Variants in MYO9A observed in about 807,000 individuals in gnomAD.
MYO9A encodes myosin IXA, also known as unconventional myosin-IXa.
In MYO9A, 103 loss-of-function variants were observed where a neutral mutation model predicts 293.3. The ratio of observed to expected loss-of-function variants is 0.35; its 90% confidence interval spans 0.30 to 0.41. The LOEUF (loss-of-function observed/expected upper bound fraction) is 0.41, where lower values mean the gene tolerates loss of function less well. Among genes scored for constraint, MYO9A ranks in the 10% least tolerant of loss-of-function variants. MYO9A has a pLI of 1.00. For synonymous variants in MYO9A, 1,001 were observed against 1,035.7 expected (o/e 0.97, Z 0.64); for missense variants, 2,685 against 3,033.0 (o/e 0.89, Z 2.69).
At chr15:72,009,712 A>G (rs1289628636) in intron 7 of MYO9A, among the ~76,000 whole-genome samples, 1 of 151,668 alleles carries the variant, frequency 6.6e-6, no homozygotes, top group Non-Finnish European at 1.5e-5. Flanking sequence ...AAAAACAAAG[A>G]AAAAAAAATT....
At chr15:71,884,466 T>A (rs1345685541) in intron 27 of MYO9A, among the ~76,000 whole-genome samples, 2 of 152,204 alleles carry the variant, frequency 1.3e-5, no homozygotes, top group East Asian at 1.9e-4. Context: ...GAACAGGTGA[T>A]AGTAACAACT....
chr15:71,902,916 C>A (rs901492356), intron 22 of MYO9A, 25 bp downstream of exon 22: 6 of 1,450,992 alleles, frequency 4.1e-6, no homozygotes, highest in Non-Finnish European at 5.5e-6. Flanking sequence ...TCAATTTTGA[C>A]CAGAGCTATA....
chr15:72,103,394 AAGCAGCAGCAAGCAGCAAGC>A (rs1344846825), intron 1 of MYO9A, among the ~76,000 whole-genome samples: 1 of 148,348 alleles, frequency 6.7e-6, no homozygotes, highest in Non-Finnish European at 1.5e-5. Context: ...GCAGCAGCAG[AAGCAGCAGCAAGCAGCAAGC>A]AGCAGCAGAA....
chr15:71,903,487 T>C (rs1416110117), intron 21 of MYO9A, among the ~76,000 whole-genome samples: 1 of 152,188 alleles, frequency 6.6e-6, no homozygotes, highest in East Asian at 1.9e-4. Context: ...TTCAATATAG[T>C]TTCCATACCC....
In MYO9A at chr15:71,875,532, C is replaced by T. The variant is rs2056657337; in HGVS notation, c.5979+259G>A. Reference sequence around the variant, plus strand: ...ACTCCTGAAGAGCTCCTTCCCCACCCCTAGTTCTGAAAAGAAATAATATTT... The same window carrying T: ...ACTCCTGAAGAGCTCCTTCCCCACCTCTAGTTCTGAAAAGAAATAATATTT... On this transcript the variant is annotated intron_variant, in intron 32 of 41. Coordinates refer to ENST00000356056, the MANE Select transcript of MYO9A (RefSeq NM_006901.4). Among the ~76,000 whole-genome samples the T allele has an allele frequency of 2.0e-5, 3 of 152,204 alleles. No individual in the cohort carries two copies. The East Asian group carries it at 5.8e-4, about 29-fold the overall frequency.
chr15:72,115,969 A>G (rs890870581), intron 1 of MYO9A, among the ~76,000 whole-genome samples: 1 of 152,228 alleles, frequency 6.6e-6, no homozygotes, highest in Non-Finnish European at 1.5e-5. Context: ...AGGCACTTCC[A>G]TATGTATTGT....
At chr15:72,020,601 T>C (rs2077475470) in intron 5 of MYO9A, among the ~76,000 whole-genome samples, 1 of 152,190 alleles carries the variant, frequency 6.6e-6, no homozygotes, top group African/African-American at 2.4e-5. Context: ...CTGGGGGTTG[T>C]AAAAGGTAAA....
intron 18 of MYO9A, among the ~76,000 whole-genome samples, chr15:71,919,369 G>A (rs1345967364): frequency 6.6e-6 from 1 of 152,082 alleles, no homozygotes; most frequent in African/African-American, 2.4e-5. Context: ...CTTGAGCTCA[G>A]GGGGCAGAGG....
chr15:72,037,042 CTT>C (rs1555410191), intron 2 of MYO9A, among the ~76,000 whole-genome samples: 1 of 147,466 alleles, frequency 6.8e-6, no homozygotes. Context: ...CCTCATCCTA[CTT>C]TTTTTTTTGC....
chr15:71,858,439 G>A (rs1344068738), intron 34 of MYO9A: 1 of 152,080 alleles, frequency 6.6e-6, no homozygotes, highest in Non-Finnish European at 1.5e-5. Flanking sequence ...AAAAAAGGAT[G>A]AGTTCATGTC....
chr15:71,874,724 A>G (rs1421779391), intron 32 of MYO9A, among the ~76,000 whole-genome samples: 2 of 152,128 alleles, frequency 1.3e-5, no homozygotes, highest in African/African-American at 4.8e-5. Flanking sequence ...AGGTATTCAA[A>G]ATATTTTGAA....
intron 32 of MYO9A, among the ~76,000 whole-genome samples, chr15:71,865,337 C>T (rs982051399): frequency 6.6e-6 from 1 of 152,112 alleles, no homozygotes; most frequent in Non-Finnish European, 1.5e-5. Flanking sequence ...TAGAAACATG[C>T]TGCCACAAAA....
At chr15:71,998,126 A>G (rs1463255930) in intron 9 of MYO9A, among the ~76,000 whole-genome samples, 1 of 152,212 alleles carries the variant, frequency 6.6e-6, no homozygotes. Flanking sequence ...TACACCGTGG[A>G]ATACAATGCA....
chr15:71,919,769 G>C (rs1201875265), intron 18 of MYO9A, among the ~76,000 whole-genome samples: 1 of 145,656 alleles, frequency 6.9e-6, no homozygotes, highest in East Asian at 2.0e-4. Context: ...TTGAACCCAG[G>C]AGGCAGAGGT....
chr15:72,118,183 G>A, upstream of MYO9A: 1 of 363,864 alleles, frequency 2.7e-6, no homozygotes, highest in Non-Finnish European at 4.9e-6. Context: ...TGCCAGCACG[G>A]GTCGGCCCCG....
chr15:71,883,530 G>T, intron 28 of MYO9A, 64 bp downstream of exon 28: 1 of 1,531,656 alleles, frequency 6.5e-7, no homozygotes, highest in South Asian at 1.2e-5. Context: ...TACAGGAATA[G>T]CAAACTTTCA....
chr15:71,871,932 A>G (rs1417759143), intron 32 of MYO9A, among the ~76,000 whole-genome samples: 24 of 151,716 alleles, frequency 1.6e-4, no homozygotes, highest in Admixed American at 1.6e-3. Context: ...TTATATATAA[A>G]TGATTTTATA....
intron 1 of MYO9A, among the ~76,000 whole-genome samples, chr15:72,081,258 C>G (rs1012952398): frequency 3.3e-5 from 5 of 152,178 alleles, no homozygotes; most frequent in African/African-American, 1.2e-4. Flanking sequence ...AATAGTCATT[C>G]TGACTGGTGC....
At chr15:71,980,726 T>C (rs139735982) in intron 11 of MYO9A, among the ~76,000 whole-genome samples, 1 of 152,222 alleles carries the variant, frequency 6.6e-6, no homozygotes, top group East Asian at 1.9e-4. Flanking sequence ...TAGTCCCAGC[T>C]ACTTGGGAGG....
Sources: allele counts gnomAD v4.1 joint callset (sites outside exome capture counted in the v4.1 genomes callset), GRCh38; gene constraint gnomAD v4.1.1; transcripts MANE v1.5; gene names NCBI Gene and HGNC (gene_info 2026-07-23, HGNC 2026-07-21).